The following GVQW3 variants were observed in gnomAD, a reference collection of about 807,000 sequenced individuals.
The protein encoded by GVQW3 is GVQW motif containing 3, also known as protein GVQW3.
A neutral mutation model predicts 12.5 loss-of-function variants in GVQW3; 7 were observed. The observed-to-expected ratio is 0.56, with a 90% CI of 0.32 to 1.05. The LOEUF is 1.05. Ranked by LOEUF, GVQW3 falls within the 50% of genes least tolerant of loss-of-function variation. The pLI is 0.04. For missense variants in GVQW3, 188 were observed against 190.8 expected (o/e 0.99, Z 0.09); for synonymous variants, 71 against 67.2 (o/e 1.06, Z -0.28).
At chr11:76,384,918 A>G (rs1946817333) in intron 1 of GVQW3, among the ~76,000 whole-genome samples, 1 of 152,180 alleles carries the variant, frequency 6.6e-6, no homozygotes, top group African/African-American at 2.4e-5. Context: ...CCCAGTGGTA[A>G]TTGTTGCAGA....
At chr11:76,391,823 G>A (rs1291992275) in intron 1 of GVQW3, among the ~76,000 whole-genome samples, 1 of 152,174 alleles carries the variant, frequency 6.6e-6, no homozygotes, top group African/African-American at 2.4e-5. Context: ...GTGTGGTGGT[G>A]CATGCCTGTA....
In GVQW3 at chr11:76,382,039, A is replaced by T. The variant is rs1349357162; in HGVS notation, c.211A>T (p.Thr71Ser). 5 of 1,536,552 alleles carry T rather than the reference A, an allele frequency of 3.3e-6. No individual in the cohort carries two copies. The South Asian group carries it at 4.8e-5, about 15-fold the overall frequency. ...ARSGRPVTHRTDDNIQKVKDL... is the reference protein window; with the variant it reads ...ARSGRPVTHRSDDNIQKVKDL... ...AAGTGGGCGTCCAGTCACCCACCGA[A>T]CAGATGACAATATCCAGAAGGTCAA... Residue 71 changes from threonine to serine, a missense_variant, in exon 1 of 2, where the codon ACA becomes TCA. Physicochemically the swap from Thr to Ser is moderately conservative, Grantham distance 58. Transcript: ENST00000529331.
At chr11:76,402,518 A>C (rs986963077) in intron 1 of GVQW3, among the ~76,000 whole-genome samples, 1 of 149,434 alleles carries the variant, frequency 6.7e-6, no homozygotes, top group Non-Finnish European at 1.5e-5. Flanking sequence ...GTGCCCCTGC[A>C]CTCCACCCTG....
In GVQW3 at chr11:76,390,700, G is replaced by A. The variant is rs533450688; in HGVS notation, c.465+8407G>A. Among the ~76,000 whole-genome samples, 147 of 152,138 alleles carry A rather than the reference G, an allele frequency of 9.7e-4. 1 individual carries two copies. The highest frequency in any genetic ancestry group is 1.8e-3 in the Non-Finnish European group (123 of 68,024). On this transcript the variant is annotated intron_variant, in intron 1 of 1. Coordinates refer to ENST00000529331, the MANE Select transcript of GVQW3 (RefSeq NM_001347885.2). ...AAATTAGCCGGGCGCGGTGGCGGGCGCCTGTAGTCCCAGCTACTCAGGAGG... is the reference window on the plus strand; with the variant it reads ...AAATTAGCCGGGCGCGGTGGCGGGCACCTGTAGTCCCAGCTACTCAGGAGG...
At chr11:76,396,888 G>T (rs1429268174) in intron 1 of GVQW3, among the ~76,000 whole-genome samples, 1 of 151,798 alleles carries the variant, frequency 6.6e-6, no homozygotes, top group Non-Finnish European at 1.5e-5. Flanking sequence ...TGCCTATTTT[G>T]GAGATTTCAT....
chr11:76,381,745 C>T lies in GVQW3; in HGVS notation c.-84C>T. The T allele has an allele frequency of 1.6e-6, 2 of 1,223,960 alleles. No homozygotes were observed. The highest frequency in any genetic ancestry group is 2.2e-6 in the Non-Finnish European group (2 of 905,866). 75.8% of individuals were successfully genotyped at this position (1,223,960 alleles called of 1,614,324 possible). ...GAGCAAGAAGAGCGATATGATTACA[C>T]CTGCAGCCCTATAAAGATTGATCTG... On this transcript the variant is annotated 5_prime_UTR_variant, in exon 1 of 2. Transcript: ENST00000529331.
chr11:76,414,267 A>G (rs1001826878), exon 2 of GVQW3: 1 of 152,054 alleles, frequency 6.6e-6, no homozygotes, highest in African/African-American at 2.4e-5. Context: ...TTAGAGCTCA[A>G]CCTTTGTGGA....
intron 1 of GVQW3, chr11:76,383,331 G>C (rs1291157219): frequency 1.3e-5 from 2 of 152,288 alleles, no homozygotes; most frequent in Admixed American, 1.3e-4. Context: ...CATTGACAAT[G>C]TGGAGGTTAT....
At chr11:76,383,025 T>A (rs79330317) in intron 1 of GVQW3, 1 of 153,074 alleles carries the variant, frequency 6.5e-6, no homozygotes, top group African/African-American at 2.4e-5. Flanking sequence ...CCAATACTGA[T>A]CTTCTCACAG....
chr11:76,402,242 A>C (rs528919002), intron 1 of GVQW3, among the ~76,000 whole-genome samples: 1 of 152,170 alleles, frequency 6.6e-6, no homozygotes, highest in African/African-American at 2.4e-5. Context: ...TATATTTTTC[A>C]AATTCAGCGA....
chr11:76,384,534 G>T (rs976371954), intron 1 of GVQW3, among the ~76,000 whole-genome samples: 1 of 152,118 alleles, frequency 6.6e-6, no homozygotes, highest in African/African-American at 2.4e-5. Flanking sequence ...TGTTGGCCAG[G>T]CTGGTCTTGA....
intron 1 of GVQW3, among the ~76,000 whole-genome samples, chr11:76,391,908 C>T (rs971749785): frequency 3.3e-5 from 5 of 152,164 alleles, no homozygotes; most frequent in African/African-American, 9.7e-5. Flanking sequence ...GAGCTGAGAT[C>T]GTGCCATTGC....
intron 1 of GVQW3, among the ~76,000 whole-genome samples, chr11:76,387,042 C>G (rs962850211): frequency 2.0e-5 from 3 of 152,082 alleles, no homozygotes; most frequent in Non-Finnish European, 4.4e-5. Context: ...AACAGATGAG[C>G]ACAGCTGTGT....
chr11:76,387,565 T>G (rs1304627025), intron 1 of GVQW3, among the ~76,000 whole-genome samples: 1 of 152,166 alleles, frequency 6.6e-6, no homozygotes, highest in Non-Finnish European at 1.5e-5. Context: ...TGACAGATGA[T>G]TATTTTCCAT....
intron 1 of GVQW3, among the ~76,000 whole-genome samples, chr11:76,383,931 G>T (rs1946805427): frequency 6.6e-6 from 1 of 152,136 alleles, no homozygotes; most frequent in Non-Finnish European, 1.5e-5. Flanking sequence ...TTGTTAAATT[G>T]CTTCCCCTGA....
At chr11:76,388,187 T>G (rs1946855077) in intron 1 of GVQW3, among the ~76,000 whole-genome samples, 1 of 152,234 alleles carries the variant, frequency 6.6e-6, no homozygotes, top group Non-Finnish European at 1.5e-5. Flanking sequence ...AAAAATGATT[T>G]GACCATGGGT....
chr11:76,401,384 G>A (rs1009996783), intron 1 of GVQW3, among the ~76,000 whole-genome samples: 3 of 151,664 alleles, frequency 2.0e-5, no homozygotes, highest in East Asian at 1.9e-4. Flanking sequence ...CATCCCTATC[G>A]AGGTATTTTG....
At chr11:76,387,617 C>T (rs919552197) in intron 1 of GVQW3, among the ~76,000 whole-genome samples, 3 of 152,002 alleles carry the variant, frequency 2.0e-5, no homozygotes, top group Non-Finnish European at 4.4e-5. Flanking sequence ...CAGTGTCTGA[C>T]AATTTATTTG....
rs1946771318 is a variant in GVQW3 at position 76,381,794 on chromosome 11, G to A, written c.-35G>A. 6 of 1,484,026 alleles carry A rather than the reference G, an allele frequency of 4.0e-6. No homozygotes were observed. Among genetic ancestry groups the A allele is most frequent in the East Asian group, 2.5e-5 (1 of 40,606 alleles). 91.9% of individuals were successfully genotyped at this position (1,484,026 alleles called of 1,614,324 possible). ...TGTCCGTCTTTCCCTTACAGTCGTG[G>A]CCTGTTAAACGTTCCTGTGTTGTTC... On this transcript the variant is annotated 5_prime_UTR_variant, in exon 1 of 2. Coordinates refer to ENST00000529331, the MANE Select transcript of GVQW3 (RefSeq NM_001347885.2).
Sources: gnomAD v4.1 joint callset for allele counts (sites outside exome capture counted in the v4.1 genomes callset) on GRCh38, gnomAD v4.1.1 for gene constraint, MANE v1.5 for transcripts, NCBI Gene and HGNC (gene_info 2026-07-23, HGNC 2026-07-21) for gene names.